PCLAF: variants seen among roughly 807,000 people sequenced by gnomAD.
PCLAF encodes the protein PCNA-associated factor.
PCLAF carries 12 observed loss-of-function variants against 15.1 expected under a neutral mutation model. That is an observed-to-expected ratio of 0.79 (90% CI 0.51 to 1.29). The LOEUF is 1.29. Ranked by LOEUF, PCLAF falls within the 50% of genes most tolerant of loss-of-function variation. The pLI is 0.00. For synonymous variants in PCLAF, 33 were observed against 47.1 expected, an observed-to-expected ratio of 0.70 and a Z score of 1.22; for missense variants, 116 against 130.9, an observed-to-expected ratio of 0.89 and a Z score of 0.56.
chr15:64,378,541 T>A (rs142389130), intron 2 of PCLAF, among the ~76,000 whole-genome samples: 17 of 152,278 alleles, frequency 1.1e-4, no homozygotes, highest in Non-Finnish European at 1.9e-4. Context: ...AAAGAAGGAA[T>A]GGCATATAAA....
chr15:64,382,274 C>T (rs1011232398), upstream of PCLAF, among the ~76,000 whole-genome samples: 2 of 151,788 alleles, frequency 1.3e-5, no homozygotes, highest in Admixed American at 6.6e-5. Flanking sequence ...TTCCTGTAAT[C>T]CCAACTACTC....
upstream of PCLAF, among the ~76,000 whole-genome samples, chr15:64,386,056 T>C (rs1899929185): frequency 6.6e-6 from 1 of 152,152 alleles, no homozygotes. Flanking sequence ...TCTATATCTA[T>C]CTGTTATCTA....
At chr15:64,367,578 T>C (rs1241704209) in intron 3 of PCLAF, among the ~76,000 whole-genome samples, 1 of 151,900 alleles carries the variant, frequency 6.6e-6, no homozygotes, top group Non-Finnish European at 1.5e-5. Context: ...AGACGGAGTC[T>C]CGCTCTGTCG....
chr15:64,374,886 A>G (rs1899543624), intron 3 of PCLAF, among the ~76,000 whole-genome samples: 1 of 151,738 alleles, frequency 6.6e-6, no homozygotes, highest in Admixed American at 6.6e-5. Context: ...GAAAAAAAGG[A>G]AAAAAGGAAT....
intron 3 of PCLAF, among the ~76,000 whole-genome samples, chr15:64,369,142 G>T: frequency 6.6e-6 from 1 of 152,036 alleles, no homozygotes; most frequent in Non-Finnish European, 1.5e-5. Flanking sequence ...TGTTAGGATT[G>T]CTTGAGCCCA....
chr15:64,383,453 G>T (rs1020439254), upstream of PCLAF, among the ~76,000 whole-genome samples: 1 of 150,902 alleles, frequency 6.6e-6, no homozygotes, highest in African/African-American at 2.4e-5. Context: ...TGCAATCTCC[G>T]CCTCCCGGGT....
chr15:64,383,371 GTT>G (rs763173670), upstream of PCLAF, among the ~76,000 whole-genome samples: 2 of 142,064 alleles, frequency 1.4e-5, no homozygotes, highest in Non-Finnish European at 1.5e-5. Context: ...TTGTGTGTGT[GTT>G]TTTTTTTTTT....
chr15:64,377,863 T>C (rs547015929), intron 2 of PCLAF, among the ~76,000 whole-genome samples: 2 of 147,210 alleles, frequency 1.4e-5, no homozygotes, highest in African/African-American at 5.0e-5. Context: ...GTGATTCTCC[T>C]GCCTCAGCCT....
chr15:64,377,901 G>A (rs1380922219), intron 2 of PCLAF, among the ~76,000 whole-genome samples: 2 of 150,514 alleles, frequency 1.3e-5, no homozygotes, highest in African/African-American at 2.4e-5. Flanking sequence ...ACAGGCGCCC[G>A]CCACCACGCC....
In PCLAF at chr15:64,365,631, G is replaced by C. The variant is rs147839696; in HGVS notation, c.*399C>G. The C allele has an allele frequency of 2.6e-3, 452 of 170,856 alleles. 1 individual carries two copies. Among genetic ancestry groups the C allele is most frequent in the African/African-American group, 0.01 (435 of 41,790 alleles). The allele number at this position is 170,856 out of a possible 1,614,324, so 10.6% of individuals were successfully genotyped here. ...TTTTAATGTGCAAAAATCTAACTCTGCTTTTTAAAGCAAGTAGAAGGAGTG... is the reference window on the plus strand; with the variant it reads ...TTTTAATGTGCAAAAATCTAACTCTCCTTTTTAAAGCAAGTAGAAGGAGTG... On this transcript the variant is annotated 3_prime_UTR_variant, in exon 4 of 4. Coordinates refer to ENST00000300035, the MANE Select transcript of PCLAF (RefSeq NM_014736.6).
intron 3 of PCLAF, among the ~76,000 whole-genome samples, chr15:64,368,206 A>G (rs1899128083): frequency 6.6e-6 from 1 of 152,098 alleles, no homozygotes; most frequent in South Asian, 2.1e-4. Flanking sequence ...TTAGCTGGGC[A>G]TGGTGACGCG....
At chr15:64,384,761 A>G (rs966620822), upstream of PCLAF, among the ~76,000 whole-genome samples, 5 of 151,814 alleles carry the variant, frequency 3.3e-5, no homozygotes, top group Admixed American at 1.3e-4. Flanking sequence ...AAAAGAAAAG[A>G]AAAGAAAAAA....
chr15:64,378,636 G>A (rs1899713649), intron 2 of PCLAF, among the ~76,000 whole-genome samples: 1 of 152,142 alleles, frequency 6.6e-6, no homozygotes, highest in Non-Finnish European at 1.5e-5. Flanking sequence ...GCAGCAGCTG[G>A]GCGCAGTGGC....
At chr15:64,382,247 C>A (rs1409239188), upstream of PCLAF, among the ~76,000 whole-genome samples, 1 of 151,646 alleles carries the variant, frequency 6.6e-6, no homozygotes, top group Non-Finnish European at 1.5e-5. Context: ...CAAAAATTAG[C>A]CGGGTGCAGT....
In PCLAF at chr15:64,380,977, T is replaced by G; in HGVS notation, c.108A>C (p.Thr36=). 6.2e-7 allele frequency: 1 copy of G among 1,614,014 alleles called. No homozygotes were observed. Among genetic ancestry groups the G allele is most frequent in the Non-Finnish European group, 8.5e-7 (1 of 1,179,986 alleles). ...TCTTACCTTTCCTCGATGAAACTGA[T>G]GTCGAATTAGTGGCAGAGGTGGAAG... ...LGSSTSATNS[T]SVSSRKAENK... The change falls in exon 2 of 4, where the codon ACA becomes ACC. Residue 36 remains threonine (T), a synonymous_variant. Coordinates refer to ENST00000300035, the MANE Select transcript of PCLAF (RefSeq NM_014736.6).
intron 3 of PCLAF, among the ~76,000 whole-genome samples, chr15:64,369,540 C>T (rs1422363221): frequency 6.6e-6 from 1 of 152,000 alleles, no homozygotes; most frequent in African/African-American, 2.4e-5. Flanking sequence ...ACTAAATGAG[C>T]TTATGAACAG....
intron 2 of PCLAF, among the ~76,000 whole-genome samples, chr15:64,380,256 A>C (rs899500997): frequency 6.6e-6 from 1 of 151,862 alleles, no homozygotes; most frequent in Middle Eastern, 3.4e-3. Context: ...GGTGGCGTGC[A>C]CCTGTAATCC....
intron 3 of PCLAF, chr15:64,373,883 A>C (rs1344874376): frequency 1.0e-6 from 1 of 982,110 alleles, no homozygotes; most frequent in Non-Finnish European, 1.4e-6. Context: ...AAAACATTTA[A>C]GTTGCTTAGA....
intron 3 of PCLAF, among the ~76,000 whole-genome samples, chr15:64,372,711 T>C (rs982060175): frequency 3.1e-4 from 45 of 145,262 alleles, no homozygotes; most frequent in Non-Finnish European, 6.4e-4. Flanking sequence ...CAGTGGCTCA[T>C]GCCTGTAATC....
Sources: allele counts gnomAD v4.1 joint callset (sites outside exome capture counted in the v4.1 genomes callset), GRCh38; gene constraint gnomAD v4.1.1; transcripts MANE v1.5; gene names NCBI Gene and HGNC (gene_info 2026-07-23, HGNC 2026-07-21).